Variants in CRTAC1 observed in about 807,000 individuals in gnomAD.
The protein encoded by CRTAC1 is cartilage acidic protein 1, also known as acidic secreted protein in cartilage.
In CRTAC1, 37 loss-of-function variants were observed where a neutral mutation model predicts 67.8. The ratio of observed to expected loss-of-function variants is 0.55; its 90% CI spans 0.42 to 0.72. The LOEUF is 0.72. Ranked by LOEUF, CRTAC1 falls within the 30% of genes least tolerant of loss-of-function variation. The pLI, the probability that CRTAC1 is intolerant of heterozygous loss-of-function variation, is 0.00. For missense variants in CRTAC1, 780 were observed against 931.6 expected (o/e 0.84, Z 2.12); for synonymous variants, 348 against 371.0 (o/e 0.94, Z 0.71).
chr10:97,865,556 T>G lies in CRTAC1; in HGVS notation c.1978A>C (p.Ser660Arg). Reference protein sequence around the residue: ...GSVVKESCEPSC With the variant: ...GSVVKESCEPRC ...TCATGTCCCACCCCTGCTCAGCAGCTGGGCTCGCAGCTCTCCTTAACCACC... is the reference window on the plus strand; with the variant it reads ...TCATGTCCCACCCCTGCTCAGCAGCGGGGCTCGCAGCTCTCCTTAACCACC... Residue 660 changes from serine to arginine, a missense_variant, in exon 15 of 15, where the codon AGC becomes CGC. Ser to Arg is a moderately radical substitution (Grantham distance 110). Transcript: ENST00000370597. 6.2e-7 allele frequency: 1 copy of G among 1,608,048 alleles called. No individual in the cohort carries two copies. The highest frequency in any genetic ancestry group is 8.5e-7 in the Non-Finnish European group (1 of 1,175,322).
At chr10:97,955,411 A>G (rs2051424519) in intron 2 of CRTAC1, among the ~76,000 whole-genome samples, 1 of 152,350 alleles carries the variant, frequency 6.6e-6, no homozygotes, top group African/African-American at 2.4e-5. Flanking sequence ...TAAAGTCTTA[A>G]AACCACCCCT....
chr10:97,968,546 T>G (rs1261121503), intron 2 of CRTAC1, among the ~76,000 whole-genome samples: 1 of 152,198 alleles, frequency 6.6e-6, no homozygotes, highest in African/African-American at 2.4e-5. Flanking sequence ...CTTGCAATTC[T>G]TTATATTTTA....
At position 97,895,555 on chromosome 10, in the gene CRTAC1, G is replaced by A; in HGVS notation, c.1318-142C>T. ...AGGCAGAGGAAAAAGATAGAAACAG[G>A]AAGCCAAACAAGAAAAATGAATGAG... On this transcript the variant is annotated intron_variant, in intron 10 of 14. Coordinates refer to ENST00000370597, the MANE Select transcript of CRTAC1 (RefSeq NM_018058.7). The surrounding 1 kb of genome is among the most constrained non-coding windows in gnomAD (Gnocchi z 4.2). 1 of 763,086 alleles carries A rather than the reference G, an allele frequency of 1.3e-6. No individual in the cohort carries two copies. The allele number at this position is 763,086 out of a possible 1,614,324, so 47.3% of individuals were successfully genotyped here.
intron 2 of CRTAC1, among the ~76,000 whole-genome samples, chr10:97,996,196 C>T (rs1842563923): frequency 1.3e-5 from 2 of 151,814 alleles, no homozygotes; most frequent in South Asian, 2.1e-4. Flanking sequence ...GTCTAAAACA[C>T]CAAAAGCAAT....
intron 2 of CRTAC1, among the ~76,000 whole-genome samples, chr10:97,977,194 G>A (rs1238971214): frequency 6.6e-6 from 1 of 152,220 alleles, no homozygotes; most frequent in Non-Finnish European, 1.5e-5. Flanking sequence ...AGGGCCCAGG[G>A]TAATTGATAA....
intron 2 of CRTAC1, among the ~76,000 whole-genome samples, chr10:97,977,426 A>G (rs572863959): frequency 1.3e-5 from 2 of 152,308 alleles, no homozygotes; most frequent in African/African-American, 4.8e-5. Context: ...TGCTCACCCA[A>G]TGGGGCAGGA....
chr10:98,029,488 AGCAGCG>A lies in CRTAC1; in HGVS notation c.24+955_24+960del, dbSNP rs879000184. Among the ~76,000 whole-genome samples, 658 of 122,838 alleles carry A rather than the reference AGCAGCG, an allele frequency of 5.4e-3. 3 individuals carry two copies. Among genetic ancestry groups the A allele is most frequent in the African/African-American group, 0.016 (474 of 29,952 alleles). The allele number at this position is 122,838 out of a possible 152,430, so 80.6% of individuals were successfully genotyped here. A position where few individuals can be genotyped will look rare whatever the true frequency, so the allele number is the denominator to read the frequency against. ...CACACTGGGTGCACCCACCAGCAGC[AGCAGCG>A]GCGGCGGCGGCGGCGGCGGCGGCGG... On this transcript the variant is annotated intron_variant, in intron 1 of 14. Transcript: ENST00000370597. This position sits in a 1 kb window ranked among gnomAD's most constrained non-coding sequence, Gnocchi z 4.7.
chr10:97,865,830 G>A, intron 14 of CRTAC1, 116 bp from the exon 15 acceptor site: 2 of 654,894 alleles, frequency 3.1e-6, no homozygotes, highest in Non-Finnish European at 4.7e-6. Flanking sequence ...GGGTGGGAGG[G>A]AGGGTGACGG....
intron 2 of CRTAC1, among the ~76,000 whole-genome samples, chr10:97,979,956 G>T (rs779131884): frequency 1.8e-4 from 27 of 152,186 alleles, no homozygotes; most frequent in Non-Finnish European, 3.8e-4. Context: ...AGTCAGAGAA[G>T]CTCCAAGGGC....
intron 5 of CRTAC1, among the ~76,000 whole-genome samples, chr10:97,914,652 A>T (rs973942743): frequency 3.3e-5 from 5 of 152,134 alleles, no homozygotes; most frequent in Non-Finnish European, 7.4e-5. Context: ...TGGACCGCGG[A>T]GGCAGTGCAG....
intron 5 of CRTAC1, among the ~76,000 whole-genome samples, chr10:97,911,735 G>A (rs938288842): frequency 1.3e-5 from 2 of 152,218 alleles, no homozygotes; most frequent in Non-Finnish European, 2.9e-5. Flanking sequence ...CCAGGCCAAT[G>A]TCAAAGGCCA....
intron 2 of CRTAC1, among the ~76,000 whole-genome samples, chr10:97,985,290 G>T (rs2051961836): frequency 6.6e-6 from 1 of 152,088 alleles, no homozygotes; most frequent in Non-Finnish European, 1.5e-5. Flanking sequence ...TGCTCTATTT[G>T]TCAACATTTT....
intron 2 of CRTAC1, among the ~76,000 whole-genome samples, chr10:97,979,347 G>A (rs997557523): frequency 2.6e-5 from 4 of 152,096 alleles, no homozygotes; most frequent in Non-Finnish European, 1.5e-5. Flanking sequence ...GTGTGATTCC[G>A]ATATACCCCA....
chr10:97,945,996 G>T (rs1021221554), intron 2 of CRTAC1, among the ~76,000 whole-genome samples: 1 of 152,198 alleles, frequency 6.6e-6, no homozygotes, highest in African/African-American at 2.4e-5. Flanking sequence ...CACACAGAAG[G>T]CAGGGACTAT....
chr10:97,955,104 C>T (rs1225339994), intron 2 of CRTAC1, among the ~76,000 whole-genome samples: 6 of 152,166 alleles, frequency 3.9e-5, no homozygotes, highest in Non-Finnish European at 8.8e-5. Flanking sequence ...TTATGCAGCT[C>T]ACTGAATCTT....
intron 2 of CRTAC1, among the ~76,000 whole-genome samples, chr10:97,985,840 C>T (rs2051972298): frequency 6.6e-6 from 1 of 152,212 alleles, no homozygotes; most frequent in Non-Finnish European, 1.5e-5. Context: ...CCATCCCAGC[C>T]TGTCCTGCAC....
At chr10:98,019,746 C>G (rs939460185) in intron 1 of CRTAC1, among the ~76,000 whole-genome samples, 1 of 152,222 alleles carries the variant, frequency 6.6e-6, no homozygotes. Flanking sequence ...CCCCCACCCA[C>G]AGAGAAGCCT....
chr10:98,011,417 C>T, intron 1 of CRTAC1, 80 bp from the exon 2 acceptor site: 2 of 1,551,734 alleles, frequency 1.3e-6, no homozygotes, highest in South Asian at 1.2e-5. Context: ...TGGGTAGGCC[C>T]AGAGTGCCTT....
In CRTAC1 at chr10:97,895,837, C is replaced by T. The variant is rs752782467; in HGVS notation, c.1317+48G>A. On this transcript the variant is annotated intron_variant, in intron 10 of 14. Transcript: ENST00000370597. This position sits in a 1 kb window ranked among gnomAD's most constrained non-coding sequence, Gnocchi z 4.2. ...CTTGCCCTCACCAACTCAAGGTACC[C>T]GAGAGCACACAGGGCTGGGATCTGT... 3.8e-5 allele frequency: 58 copies of T among 1,519,070 alleles called. No individual in the cohort carries two copies. The highest frequency in any genetic ancestry group is 4.9e-5 in the Non-Finnish European group (54 of 1,097,160). The allele number at this position is 1,519,070 out of a possible 1,614,324, so 94.1% of individuals were successfully genotyped here.
Sources: allele counts gnomAD v4.1 joint callset (sites outside exome capture counted in the v4.1 genomes callset), GRCh38; gene constraint gnomAD v4.1.1; non-coding constraint Gnocchi (gnomAD v3.1); transcripts MANE v1.5; gene names NCBI Gene and HGNC (gene_info 2026-07-23, HGNC 2026-07-21).